Variants in TCF7L1 observed in about 807,000 individuals in gnomAD.
TCF7L1 encodes the protein transcription factor 7-like 1.
TCF7L1 carries 18 observed loss-of-function variants against 63.7 expected under a neutral mutation model. The observed-to-expected ratio is 0.28, with a 90% CI of 0.20 to 0.42. The LOEUF (loss-of-function observed/expected upper bound fraction) is 0.42, where lower values mean the gene tolerates loss of function less well. Among genes scored for constraint, TCF7L1 ranks in the 10% least tolerant of loss-of-function variants. The pLI, the probability that TCF7L1 is intolerant of heterozygous loss-of-function variation, is 1.00. For missense variants in TCF7L1, 654 were observed against 779.3 expected (o/e 0.84, Z 1.91); for synonymous variants, 355 against 340.9 (o/e 1.04, Z -0.46).
At chr2:85,232,811 T>G (rs574520457) in intron 3 of TCF7L1, 2 of 152,214 alleles carry the variant, frequency 1.3e-5, no homozygotes, top group Non-Finnish European at 2.9e-5. Flanking sequence ...CATCTTTACC[T>G]TACCCTGGTT....
intron 3 of TCF7L1, among the ~76,000 whole-genome samples, chr2:85,205,479 C>T (rs544643071): frequency 1.7e-4 from 26 of 151,766 alleles, no homozygotes; most frequent in Admixed American, 9.8e-4. Context: ...TCTACACTCC[C>T]GGCCTGTTCA....
chr2:85,190,871 A>G (rs1176894331), intron 3 of TCF7L1, among the ~76,000 whole-genome samples: 1 of 152,172 alleles, frequency 6.6e-6, no homozygotes, highest in East Asian at 1.9e-4. Context: ...TATGGACGCA[A>G]TACCTGAGGC....
intron 3 of TCF7L1, among the ~76,000 whole-genome samples, chr2:85,169,362 C>CT (rs1189458249): frequency 2.1e-3 from 293 of 142,368 alleles, no homozygotes; most frequent in African/African-American, 2.8e-3. Flanking sequence ...TTCTTTCTTT[C>CT]TTTTTTTTTT....
At position 85,297,364 on chromosome 2, in the gene TCF7L1, G is replaced by T. The variant is rs566563240; in HGVS notation, c.526-5120G>T. 9.2e-5 allele frequency among the ~76,000 whole-genome samples: 14 copies of T among 152,294 alleles called. No individual in the cohort carries two copies. The South Asian group carries it at 2.5e-3, about 27-fold the overall frequency. On this transcript the variant is annotated intron_variant, in intron 4 of 11. Coordinates refer to ENST00000282111, the MANE Select transcript of TCF7L1 (RefSeq NM_031283.3). Reference sequence around the variant, plus strand: ...ACTTTCAGGAGCTCAGAAAGTATTTGTTGACCCATCCGTACAGACCCTCAT... The same window carrying T: ...ACTTTCAGGAGCTCAGAAAGTATTTTTTGACCCATCCGTACAGACCCTCAT...
At chr2:85,146,311 TG>T (rs1377058939) in intron 3 of TCF7L1, among the ~76,000 whole-genome samples, 1 of 151,946 alleles carries the variant, frequency 6.6e-6, no homozygotes, top group Non-Finnish European at 1.5e-5. Context: ...ATTCCAGCTG[TG>T]GGGGATTCTG....
intron 3 of TCF7L1, among the ~76,000 whole-genome samples, chr2:85,226,069 A>C (rs1485055311): frequency 6.6e-6 from 1 of 152,136 alleles, no homozygotes; most frequent in Non-Finnish European, 1.5e-5. Flanking sequence ...GTTTATGTGA[A>C]GGATTACATT....
chr2:85,167,803 G>A (rs1678455827), intron 3 of TCF7L1, among the ~76,000 whole-genome samples: 1 of 152,196 alleles, frequency 6.6e-6, no homozygotes, highest in South Asian at 2.1e-4. Flanking sequence ...GGTCGAGGCT[G>A]CAGTGAGCCA....
chr2:85,292,612 T>C (rs2104378756), intron 4 of TCF7L1, among the ~76,000 whole-genome samples: 1 of 152,342 alleles, frequency 6.6e-6, no homozygotes, highest in Middle Eastern at 3.4e-3. Context: ...GGTCTTGCTC[T>C]GTCACCCAGG....
intron 3 of TCF7L1, among the ~76,000 whole-genome samples, chr2:85,249,670 A>G (rs1680547726): frequency 6.6e-6 from 1 of 152,202 alleles, no homozygotes; most frequent in African/African-American, 2.4e-5. Context: ...CAAAGCCTCC[A>G]TAAAACTCAT....
chr2:85,224,467 A>T (rs191977801), intron 3 of TCF7L1, among the ~76,000 whole-genome samples: 1 of 152,092 alleles, frequency 6.6e-6, no homozygotes, highest in Non-Finnish European at 1.5e-5. Context: ...CCTGACTTTA[A>T]TGATCGCCAT....
intron 3 of TCF7L1, among the ~76,000 whole-genome samples, chr2:85,135,936 G>T (rs947587879): frequency 6.6e-6 from 1 of 150,750 alleles, no homozygotes; most frequent in Non-Finnish European, 1.5e-5. Flanking sequence ...ATCAAAGGGG[G>T]GGGGGGATCA....
chr2:85,204,450 A>G (rs1014007284), intron 3 of TCF7L1, among the ~76,000 whole-genome samples: 2 of 152,140 alleles, frequency 1.3e-5, no homozygotes, highest in African/African-American at 4.8e-5. Flanking sequence ...GAAAAAAAGA[A>G]CATACTTGAA....
chr2:85,215,981 T>C (rs2104295192), intron 3 of TCF7L1, among the ~76,000 whole-genome samples: 1 of 152,252 alleles, frequency 6.6e-6, no homozygotes, highest in East Asian at 1.9e-4. Context: ...ATTAGGGTTT[T>C]GAGGCCTCTG....
At chr2:85,159,100 G>C (rs555245921) in intron 3 of TCF7L1, among the ~76,000 whole-genome samples, 27 of 152,270 alleles carry the variant, frequency 1.8e-4, no homozygotes, top group Non-Finnish European at 3.4e-4. Context: ...TTCAGCCTTC[G>C]ATCAATAAAT....
At position 85,304,988 on chromosome 2, in the gene TCF7L1, C is replaced by T. The variant is rs115049709; in HGVS notation, c.846-272C>T. 9.6e-3 allele frequency among the ~76,000 whole-genome samples: 1,459 copies of T among 152,204 alleles called. 10 individuals carry two copies. The highest frequency in any genetic ancestry group is 0.038 in the Middle Eastern group (11 of 292). The stretch of plus-strand genomic sequence containing the variant: ...AAGCCCTTCTTTTCCCCAGTATGCC[C>T]GGGCCTCTGACCCTCCTCCCCTTTT... On this transcript the variant is annotated intron_variant, in intron 7 of 11. Transcript: ENST00000282111.
intron 8 of TCF7L1, among the ~76,000 whole-genome samples, chr2:85,305,781 G>A (rs1682092673): frequency 6.6e-6 from 1 of 152,100 alleles, no homozygotes; most frequent in Non-Finnish European, 1.5e-5. Context: ...TGAGCACCAG[G>A]GTCCTTACCT....
rs529552183 is a variant in TCF7L1, at chr2:85,202,580, T to G, written c.441+68130T>G. Among the ~76,000 whole-genome samples the G allele has an allele frequency of 1.5e-3, 223 of 152,320 alleles. 1 individual carries two copies. Among genetic ancestry groups the G allele is most frequent in the African/African-American group, 5.2e-3 (215 of 41,576 alleles). On this transcript the variant is annotated intron_variant, in intron 3 of 11. Transcript: ENST00000282111. Reference sequence around the variant, plus strand: ...ATTCTAAGATATTTATAATTTCAGTTCTTAGAGGTCTTTGATCAATTCTGA... The same window carrying G: ...ATTCTAAGATATTTATAATTTCAGTGCTTAGAGGTCTTTGATCAATTCTGA...
At chr2:85,208,668 C>A (rs767786835) in intron 3 of TCF7L1, among the ~76,000 whole-genome samples, 4 of 152,068 alleles carry the variant, frequency 2.6e-5, no homozygotes, top group Non-Finnish European at 5.9e-5. Flanking sequence ...GCTAAATACA[C>A]CAGGTTTAGT....
chr2:85,309,691 A>C lies in TCF7L1; in HGVS notation c.*229A>C, dbSNP rs1262164622. ...AAAAAAAATCTTTATAAGAAAGAGA[A>C]CTGAAAAGTAGCGTGCTATTCGTCC... On this transcript the variant is annotated 3_prime_UTR_variant, in exon 12 of 12. Coordinates refer to ENST00000282111, the MANE Select transcript of TCF7L1 (RefSeq NM_031283.3). 2 of 461,908 alleles carry C rather than the reference A, an allele frequency of 4.3e-6. No individual in the cohort carries two copies. The highest frequency in any genetic ancestry group is 6.7e-5 in the East Asian group (2 of 29,706). The allele number at this position is 461,908 out of a possible 1,614,324, so 28.6% of individuals were successfully genotyped here.
Sources: allele counts gnomAD v4.1 joint callset (sites outside exome capture counted in the v4.1 genomes callset), GRCh38; gene constraint gnomAD v4.1.1; transcripts MANE v1.5; gene names NCBI Gene and HGNC (gene_info 2026-07-23, HGNC 2026-07-21).